DOCK4: variants seen among roughly 807,000 people sequenced by gnomAD.
The protein encoded by DOCK4 is dedicator of cytokinesis 4, also known as dedicator of cytokinesis protein 4.
Under a neutral mutation model 268.1 loss-of-function variants are expected in DOCK4, and 97 were observed. The ratio of observed to expected loss-of-function variants is 0.36; its 90% CI spans 0.31 to 0.43. The LOEUF (loss-of-function observed/expected upper bound fraction) is 0.43, where lower values mean the gene tolerates loss of function less well. Ranked by LOEUF, DOCK4 falls within the 20% of genes least tolerant of loss-of-function variation. The probability of loss-of-function intolerance (pLI) is 1.00; values close to 1 mark genes in which losing one functional copy is unlikely to be tolerated. For synonymous variants in DOCK4, 954 were observed against 887.2 expected, an observed-to-expected ratio of 1.08 and a Z score of -1.34; for missense variants, 2,145 against 2,455.7, an observed-to-expected ratio of 0.87 and a Z score of 2.67.
intron 15 of DOCK4, among the ~76,000 whole-genome samples, chr7:111,899,223 C>T (rs1586306665): frequency 6.6e-6 from 1 of 152,194 alleles, no homozygotes; most frequent in South Asian, 2.1e-4. Flanking sequence ...AGATAAAGTC[C>T]TCCTTCTCTG....
chr7:111,738,564 A>G (rs905734246), intron 49 of DOCK4, among the ~76,000 whole-genome samples: 2 of 152,274 alleles, frequency 1.3e-5, no homozygotes, highest in Non-Finnish European at 2.9e-5. Context: ...AGAAGCAGCA[A>G]TGAAATAGAT....
intron 5 of DOCK4, among the ~76,000 whole-genome samples, chr7:111,992,636 A>C (rs1253201564): frequency 1.3e-5 from 2 of 152,236 alleles, no homozygotes; most frequent in Admixed American, 6.5e-5. Context: ...CAGACATTTG[A>C]AACCTCGAAC....
At chr7:111,869,545 C>T in intron 21 of DOCK4, 29 bp downstream of exon 21, 1 of 1,604,300 alleles carries the variant, frequency 6.2e-7, no homozygotes, top group Middle Eastern at 1.7e-4. Context: ...CTTTGTTAGA[C>T]TCTGCTGTTA....
At chr7:112,090,291 T>C (rs1387269586) in intron 1 of DOCK4, among the ~76,000 whole-genome samples, 5 of 152,192 alleles carry the variant, frequency 3.3e-5, no homozygotes, top group African/African-American at 1.2e-4. Context: ...ATTCTAATTA[T>C]ATTTTGAGAT....
intron 1 of DOCK4, among the ~76,000 whole-genome samples, chr7:112,024,260 T>C (rs1451436232): frequency 6.6e-6 from 1 of 152,218 alleles, no homozygotes; most frequent in Non-Finnish European, 1.5e-5. Context: ...TTAAATATCA[T>C]CTAAACGCTG....
Position 111,885,721 on chromosome 7 carries a change from G to A in DOCK4, c.1588-8535C>T, listed in dbSNP as rs754061709. On this transcript the variant is annotated intron_variant, in intron 16 of 52. Coordinates refer to ENST00000428084, the MANE Select transcript of DOCK4 (RefSeq NM_001363540.2). ...GCAAGTTATCTTAAAATGGCATGGA[G>A]ATAATTTACAAATTAGAGAGGAGAG... is the stretch of plus-strand genomic sequence containing the variant. Among the ~76,000 whole-genome samples, 9 of 150,286 alleles carry A rather than the reference G, an allele frequency of 6.0e-5. 1 individual carries two copies. Among genetic ancestry groups the A allele is most frequent in the Non-Finnish European group, 9.0e-5 (6 of 67,002 alleles).
intron 1 of DOCK4, among the ~76,000 whole-genome samples, chr7:112,056,828 G>A (rs1438958686): frequency 1.3e-5 from 2 of 151,950 alleles, no homozygotes; most frequent in South Asian, 2.1e-4. Flanking sequence ...AGATCTAATC[G>A]GATCTTAAAA....
chr7:111,986,662 G>C (rs1177207762), intron 6 of DOCK4, among the ~76,000 whole-genome samples: 1 of 152,116 alleles, frequency 6.6e-6, no homozygotes, highest in East Asian at 1.9e-4. Flanking sequence ...CTCCCACATA[G>C]TATTAGCAGA....
chr7:111,773,965 C>T (rs1222244366), intron 36 of DOCK4, among the ~76,000 whole-genome samples: 1 of 151,672 alleles, frequency 6.6e-6, no homozygotes, highest in African/African-American at 2.4e-5. Flanking sequence ...TGCAGTGAGC[C>T]CAGATCGTGC....
intron 16 of DOCK4, among the ~76,000 whole-genome samples, chr7:111,893,026 C>T (rs1432773128): frequency 6.6e-6 from 1 of 152,124 alleles, no homozygotes; most frequent in Non-Finnish European, 1.5e-5. Flanking sequence ...CTGAGTTTCT[C>T]TTGTGGTTGA....
rs555284202 is a variant in DOCK4, at chr7:111,984,484, G to C, written c.465-94C>G. On this transcript the variant is annotated intron_variant, in intron 6 of 52. Coordinates refer to ENST00000428084, the MANE Select transcript of DOCK4 (RefSeq NM_001363540.2). ...TTTTACTATATCACTTGGAAATTAG[G>C]TATATCACCCACCATGCTTCTCTCA... is the stretch of plus-strand genomic sequence containing the variant. The C allele has an allele frequency of 8.9e-5, 90 of 1,010,982 alleles. No homozygotes were observed. In the African/African-American group the frequency reaches 1.3e-3, roughly 15 times the overall value. 62.6% of individuals were successfully genotyped at this position (1,010,982 alleles called of 1,614,324 possible).
chr7:111,854,959 G>C (rs1393788403), intron 23 of DOCK4, among the ~76,000 whole-genome samples: 1 of 152,196 alleles, frequency 6.6e-6, no homozygotes, highest in Non-Finnish European at 1.5e-5. Flanking sequence ...TACTATAAAA[G>C]TGATAATTGA....
intron 12 of DOCK4, among the ~76,000 whole-genome samples, chr7:111,926,512 AG>A (rs1486085644): frequency 4.7e-5 from 7 of 147,590 alleles, no homozygotes; most frequent in South Asian, 2.1e-4. Context: ...AAAAGAAGGA[AG>A]AAAAAAAGAA....
intron 12 of DOCK4, among the ~76,000 whole-genome samples, chr7:111,930,906 CT>C (rs1300304151): frequency 2.0e-5 from 3 of 152,148 alleles, no homozygotes; most frequent in Admixed American, 2.0e-4. Context: ...ATAAGTTTTG[CT>C]TTTCTTTAAA....
At position 111,847,013 on chromosome 7, in the gene DOCK4, T is replaced by G. The variant is rs776208553; in HGVS notation, c.2587A>C (p.Lys863Gln). 2 of 1,613,644 alleles carry G rather than the reference T, an allele frequency of 1.2e-6. No homozygotes were observed. The highest frequency in any genetic ancestry group is 1.7e-6 in the Non-Finnish European group (2 of 1,179,642). Residue 863 changes from lysine to glutamine, a missense_variant, in exon 24 of 53, where the codon AAG becomes CAG. Lys to Gln is a moderately conservative substitution (Grantham distance 53, BLOSUM62 1). Around this residue, in one of 2 missense-constraint regions of DOCK4, gnomAD observed 1,598 missense variants for 1,986.7 expected, o/e 0.80. Coordinates refer to ENST00000428084, the MANE Select transcript of DOCK4 (RefSeq NM_001363540.2). ...TATTTACTTACTGAGCTATTTTTCT[T>G]GATAAGACAAAATACGTTGCTAAGG... ...RILSNVFCLI[K>Q]KNSSEKSVLE...
intron 23 of DOCK4, among the ~76,000 whole-genome samples, chr7:111,853,685 C>T (rs1291252604): frequency 1.3e-5 from 2 of 152,164 alleles, no homozygotes; most frequent in Non-Finnish European, 2.9e-5. Flanking sequence ...AGATCCCACC[C>T]ACTGGCTTTA....
intron 27 of DOCK4, among the ~76,000 whole-genome samples, chr7:111,812,766 A>G (rs1018030557): frequency 1.3e-5 from 2 of 152,220 alleles, no homozygotes; most frequent in South Asian, 2.1e-4. Context: ...GGGTGACAAG[A>G]CTGCCACTAA....
intron 23 of DOCK4, among the ~76,000 whole-genome samples, chr7:111,849,461 C>G (rs564524154): frequency 6.6e-6 from 1 of 152,162 alleles, no homozygotes; most frequent in African/African-American, 2.4e-5. Flanking sequence ...CAGGGTTTTA[C>G]CATGTTGGCC....
intron 51 of DOCK4, among the ~76,000 whole-genome samples, chr7:111,733,636 C>A (rs1795267766): frequency 6.6e-6 from 1 of 152,190 alleles, no homozygotes; most frequent in Non-Finnish European, 1.5e-5. Flanking sequence ...ACCATGGTGG[C>A]CCCTGCAACC....
Sources: allele counts gnomAD v4.1 joint callset (sites outside exome capture counted in the v4.1 genomes callset), GRCh38; gene constraint gnomAD v4.1.1; regional missense constraint gnomAD v4.1.1; transcripts MANE v1.5; gene names NCBI Gene and HGNC (gene_info 2026-07-23, HGNC 2026-07-21).